The following ZNF626 variants were observed in gnomAD, a reference collection of about 807,000 sequenced individuals.
The protein encoded by ZNF626 is zinc finger protein 626, also known as CTC-513N18.7.
Under a neutral mutation model 11.7 loss-of-function variants are expected in ZNF626, and 4 were observed. The ratio of observed to expected loss-of-function variants is 0.34; its 90% CI spans 0.17 to 0.78. ZNF626 has a LOEUF of 0.78. ZNF626 is among the 30% of genes least tolerant of loss of function. ZNF626 has a pLI of 0.57. For synonymous variants in ZNF626, 179 were observed against 198.6 expected (o/e 0.90, Z 0.83); for missense variants, 588 against 587.1 (o/e 1.00, Z -0.01).
chr19:20,653,171 AT>A (rs1184384672), intron 1 of ZNF626, among the ~76,000 whole-genome samples: 34 of 152,286 alleles, frequency 2.2e-4, no homozygotes, highest in African/African-American at 7.9e-4. Flanking sequence ...CCTCGAGTAA[AT>A]TCTGGTTGGC....
At chr19:20,631,689 C>T (rs571861469) in intron 3 of ZNF626, among the ~76,000 whole-genome samples, 180 of 150,758 alleles carry the variant, frequency 1.2e-3, no homozygotes, top group South Asian at 5.5e-3. Context: ...TGTCCCTGCA[C>T]GTGAGATGGG....
chr19:20,647,484 G>GTTTTTTTTTTT (rs71174723), intron 1 of ZNF626, among the ~76,000 whole-genome samples: 1 of 122,808 alleles, frequency 8.1e-6, no homozygotes, highest in Non-Finnish European at 1.7e-5. Flanking sequence ...TAGGACAATG[G>GTTTTTTTTTTT]TTTTTTTTTT....
rs1188934132 is a variant in ZNF626, at chr19:20,622,220, ATAAGT to A, written c.*2065_*2069del. The A allele has an allele frequency of 6.6e-6, 1 of 152,198 alleles. No individual in the cohort carries two copies. Among genetic ancestry groups the A allele is most frequent in the Non-Finnish European group, 1.5e-5 (1 of 68,022 alleles). The allele number at this position is 152,198 out of a possible 1,614,324, so 9.4% of individuals were successfully genotyped here. ...GAAAAGTTAAGTAAGTAAATAAAAT[ATAAGT>A]TAAGTTCACACATCATCTAACAATT... is the stretch of plus-strand genomic sequence containing the variant. On this transcript the variant is annotated 3_prime_UTR_variant, in exon 4 of 4. Transcript: ENST00000601440.
chr19:20,645,379 CCA>C, intron 3 of ZNF626: 2 of 1,588,778 alleles, frequency 1.3e-6, no homozygotes, highest in East Asian at 2.2e-5. Context: ...GGAAAAGCAG[CCA>C]CACTGTGCAG....
intron 1 of ZNF626, among the ~76,000 whole-genome samples, chr19:20,647,494 T>G (rs569952239): frequency 2.0e-5 from 3 of 147,690 alleles, no homozygotes; most frequent in Non-Finnish European, 4.5e-5. Flanking sequence ...GTTTTTTTTT[T>G]TTTTTTTTTT....
At chr19:20,659,580 C>T (rs1364105202) in intron 1 of ZNF626, among the ~76,000 whole-genome samples, 7 of 151,992 alleles carry the variant, frequency 4.6e-5, no homozygotes, top group Admixed American at 2.0e-4. Flanking sequence ...AGTTTATCTC[C>T]ATCCCTCAGG....
chr19:20,628,525 G>A (rs1969866139), intron 3 of ZNF626, among the ~76,000 whole-genome samples: 1 of 152,138 alleles, frequency 6.6e-6, no homozygotes, highest in South Asian at 2.1e-4. Flanking sequence ...TTTCTCTGAT[G>A]GCCAGTAATT....
rs143984193 is a variant in ZNF626 at position 20,641,162 on chromosome 19, G to A, written c.226+4522C>T. Among the ~76,000 whole-genome samples the A allele has an allele frequency of 3.4e-3, 503 of 147,354 alleles. 3 individuals are homozygous for A. Among genetic ancestry groups the A allele is most frequent in the African/African-American group, 0.011 (443 of 40,424 alleles). ...AAAAAAAAAAAAAAAAGCAACACAG[G>A]ACCTGGAAGACATATTTGAAAATCT... On this transcript the variant is annotated intron_variant, in intron 3 of 3. Transcript: ENST00000601440.
At chr19:20,629,346 G>A (rs1555770129) in intron 3 of ZNF626, among the ~76,000 whole-genome samples, 1 of 152,092 alleles carries the variant, frequency 6.6e-6, no homozygotes, top group African/African-American at 2.4e-5. Context: ...GATGGGGATG[G>A]CATTGAATCT....
chr19:20,654,695 C>T (rs1970186563), intron 1 of ZNF626, among the ~76,000 whole-genome samples: 1 of 150,740 alleles, frequency 6.6e-6, no homozygotes, highest in African/African-American at 2.4e-5. Flanking sequence ...CAGAGTGAGA[C>T]TCCGGAAAAA....
chr19:20,649,826 C>A (rs1387097252), intron 1 of ZNF626, among the ~76,000 whole-genome samples: 1 of 149,088 alleles, frequency 6.7e-6, no homozygotes, highest in Non-Finnish European at 1.5e-5. Context: ...TTGCTCCCCC[C>A]GCCCCTTGGC....
At chr19:20,638,012 C>T (rs1447690221) in intron 3 of ZNF626, among the ~76,000 whole-genome samples, 3 of 151,570 alleles carry the variant, frequency 2.0e-5, no homozygotes, top group African/African-American at 4.8e-5. Context: ...TGTGATGGCA[C>T]ATACTAGTAA....
rs1445800541 is a variant in ZNF626, at chr19:20,623,191, G to A, written c.*1099C>T. On this transcript the variant is annotated 3_prime_UTR_variant, in exon 4 of 4. Transcript: ENST00000601440. ...GAGTAAGATGTGAGTAGGCATTAAT[G>A]GGTTTTCCATATTCTTTATATTTGT... 6.6e-6 allele frequency: 1 copy of A among 152,090 alleles called. No individual in the cohort carries two copies. The highest frequency in any genetic ancestry group is 6.5e-5 in the Admixed American group (1 of 15,268). The allele number at this position is 152,090 out of a possible 1,614,324, so 9.4% of individuals were successfully genotyped here.
intron 1 of ZNF626, among the ~76,000 whole-genome samples, chr19:20,655,737 A>G (rs274811): frequency 0.015 from 2,280 of 152,212 alleles, 69 homozygotes; most frequent in South Asian, 0.11. Flanking sequence ...CCTGGCAAAC[A>G]TCGTGAAACC....
chr19:20,640,236 AATT>A (rs1315793163), intron 3 of ZNF626, among the ~76,000 whole-genome samples: 20 of 48,436 alleles, frequency 4.1e-4, no homozygotes, highest in African/African-American at 3.4e-4. Flanking sequence ...TAAATAATTA[AATT>A]ATTAATTTTA....
In ZNF626 at chr19:20,622,386, T is replaced by C. The variant is rs1390740611; in HGVS notation, c.*1904A>G. Reference sequence around the variant, plus strand: ...CACCTACCTTAAACATTACTTAATATAGGTTAACTACAATGAGCCTCTCCA... The same window carrying C: ...CACCTACCTTAAACATTACTTAATACAGGTTAACTACAATGAGCCTCTCCA... On this transcript the variant is annotated 3_prime_UTR_variant, in exon 4 of 4. Transcript: ENST00000601440. 2 of 152,180 alleles carry C rather than the reference T, an allele frequency of 1.3e-5. No individual in the cohort carries two copies. Among genetic ancestry groups the C allele is most frequent in the Non-Finnish European group, 2.9e-5 (2 of 68,024 alleles). The allele number at this position is 152,180 out of a possible 1,614,324, so 9.4% of individuals were successfully genotyped here. A position where few individuals can be genotyped will look rare whatever the true frequency, so the allele number is the denominator to read the frequency against.
chr19:20,651,217 C>T (rs1425943727), intron 1 of ZNF626, among the ~76,000 whole-genome samples: 2 of 148,974 alleles, frequency 1.3e-5, no homozygotes, highest in African/African-American at 2.5e-5. Flanking sequence ...ATTATAACAA[C>T]AATTCTTCTG....
intron 3 of ZNF626, among the ~76,000 whole-genome samples, chr19:20,627,935 T>A (rs1555769956): frequency 6.6e-6 from 1 of 152,162 alleles, no homozygotes; most frequent in Non-Finnish European, 1.5e-5. Context: ...CCCCTGCCCC[T>A]GACGCCACAA....
chr19:20,650,678 A>T (rs1555772511), intron 1 of ZNF626, among the ~76,000 whole-genome samples: 2 of 152,146 alleles, frequency 1.3e-5, no homozygotes, highest in Non-Finnish European at 2.9e-5. Context: ...CCTATGTAGA[A>T]TTCTGTTCTC....
Sources: allele counts gnomAD v4.1 joint callset (sites outside exome capture counted in the v4.1 genomes callset), GRCh38; gene constraint gnomAD v4.1.1; transcripts MANE v1.5; gene names NCBI Gene and HGNC (gene_info 2026-07-23, HGNC 2026-07-21).